KMT2A: variants seen among roughly 807,000 people sequenced by gnomAD.
KMT2A encodes the protein lysine methyltransferase 2A.
A neutral mutation model predicts 345.3 loss-of-function variants in KMT2A; 16 were observed. The ratio of observed to expected loss-of-function variants is 0.05; its 90% CI spans 0.03 to 0.07. The LOEUF (loss-of-function observed/expected upper bound fraction) is 0.07, where lower values mean the gene tolerates loss of function less well. Among genes scored for constraint, KMT2A ranks in the 10% least tolerant of loss-of-function variants. The pLI, the probability that KMT2A is intolerant of heterozygous loss-of-function variation, is 1.00. For missense variants in KMT2A, 3,272 were observed against 4,841.6 expected (o/e 0.68, Z 9.62); for synonymous variants, 1,599 against 1,778.6 (o/e 0.90, Z 2.54).
At chr11:118,450,000 G>A (rs1365474958) in intron 1 of KMT2A, 1 of 152,206 alleles carries the variant, frequency 6.6e-6, no homozygotes, top group East Asian at 1.9e-4. Flanking sequence ...AATAAAGTTG[G>A]TGTTTGTTTA....
At chr11:118,458,666 T>G (rs781801270) in intron 1 of KMT2A, among the ~76,000 whole-genome samples, 18 of 152,222 alleles carry the variant, frequency 1.2e-4, no homozygotes, top group Non-Finnish European at 2.5e-4. Context: ...CTGCTAATAC[T>G]AGTAATTATG....
intron 1 of KMT2A, among the ~76,000 whole-genome samples, chr11:118,461,119 TA>T (rs1555032540): frequency 1.3e-5 from 2 of 152,252 alleles, no homozygotes; most frequent in Non-Finnish European, 2.9e-5. Context: ...TTATGTTTAA[TA>T]CTTATTTAGG....
At position 118,494,911 on chromosome 11, in the gene KMT2A, T is replaced by G; in HGVS notation, c.5363+144T>G. 1 of 649,208 alleles carries G rather than the reference T, an allele frequency of 1.5e-6. No individual in the cohort carries two copies. The highest frequency in any genetic ancestry group is 2.7e-6 in the Non-Finnish European group (1 of 369,054). The allele number at this position is 649,208 out of a possible 1,614,324, so 40.2% of individuals were successfully genotyped here. ...GCCTTTTCGGTGTGGTTTTGAGGACTACATTTAATGTTTGTTATAAGCAAT... is the reference window on the plus strand; with the variant it reads ...GCCTTTTCGGTGTGGTTTTGAGGACGACATTTAATGTTTGTTATAAGCAAT... On this transcript the variant is annotated intron_variant, in intron 18 of 35. Transcript: ENST00000534358. The surrounding 1 kb of genome is among the most constrained non-coding windows in gnomAD (Gnocchi z 5.8).
In KMT2A at chr11:118,522,155, C is replaced by T; in HGVS notation, c.11902C>T (p.Arg3968Trp). The change falls in exon 36 of 36, where the codon CGG becomes TGG. Residue 3968 changes from arginine to tryptophan, a missense_variant. Physicochemically the swap from Arg to Trp is moderately radical, Grantham distance 101 (BLOSUM62 -3). Coordinates refer to ENST00000534358, the MANE Select transcript of KMT2A (RefSeq NM_001197104.2). This position sits in a 1 kb window ranked among gnomAD's most constrained non-coding sequence, Gnocchi z 5.4. ...LPCNCGAKKC[R>W]KFLN ...CTGCAACTGTGGCGCCAAGAAATGC[C>T]GGAAGTTCCTAAACTAAAGCTGCTC... is the stretch of plus-strand genomic sequence containing the variant. The T allele has an allele frequency of 1.9e-6, 3 of 1,614,046 alleles. No homozygotes were observed. The highest frequency in any genetic ancestry group is 2.5e-6 in the Non-Finnish European group (3 of 1,179,920).
At position 118,473,408 on chromosome 11, in the gene KMT2A, C is replaced by T. The variant is rs1463879466; in HGVS notation, c.2249C>T (p.Ser750Phe). Residue 750 changes from serine (S) to phenylalanine (F), a missense_variant, in exon 3 of 36, where the codon TCT (serine) becomes TTT (phenylalanine). By Grantham distance (155) the Ser-to-Phe change is radical (BLOSUM62 -2). This residue lies in a region of KMT2A where 114 missense variants were observed against 203.2 expected (regional missense o/e 0.56). Coordinates refer to ENST00000534358, the MANE Select transcript of KMT2A (RefSeq NM_001197104.2). This position sits in a 1 kb window ranked among gnomAD's most constrained non-coding sequence, Gnocchi z 5.2. ...AGTCCTATTCGATCTGAACCAAGAT[C>T]TCCTTCTCACTCCATGAGGACAAGA... is the stretch of plus-strand genomic sequence containing the variant. Reference protein sequence around the residue: ...VFSPIRSEPRSPSHSMRTRSG... With the variant: ...VFSPIRSEPRFPSHSMRTRSG... 1.2e-6 allele frequency: 2 copies of T among 1,614,202 alleles called. No homozygotes were observed. The highest frequency in any genetic ancestry group is 1.1e-5 in the South Asian group (1 of 91,080).
In KMT2A at chr11:118,501,200, G is replaced by A. The variant is rs1363995685; in HGVS notation, c.6319+53G>A. The A allele has an allele frequency of 5.2e-6, 8 of 1,546,510 alleles. No individual in the cohort carries two copies. In the African/African-American group the frequency reaches 9.5e-5, roughly 18 times the overall value. ...AGGCTGGGCACAGTGGCTCACGCCT[G>A]TAATCGCAGCACTTTGGGAGGCTGA... On this transcript the variant is annotated intron_variant, in intron 25 of 35. Transcript: ENST00000534358.
At chr11:118,516,347 G>A (rs918521076) in intron 31 of KMT2A, among the ~76,000 whole-genome samples, 6 of 152,126 alleles carry the variant, frequency 3.9e-5, no homozygotes, top group East Asian at 1.9e-4. Flanking sequence ...TACATAAAGC[G>A]AAAGTCCTCG....
Position 118,524,073 on chromosome 11 carries a change from C to CAAG in KMT2A, c.*1901_*1902insAAG, listed in dbSNP as rs1951029727. The CAAG allele has an allele frequency of 5.2e-6, 1 of 191,980 alleles. No individual in the cohort carries two copies. 11.9% of individuals were successfully genotyped at this position (191,980 alleles called of 1,614,324 possible). On this transcript the variant is annotated 3_prime_UTR_variant, in exon 36 of 36. Transcript: ENST00000534358. ...TAGCAAACAACAAGTTGAATGGCAA[C>CAAG]TTGACATTTTTGCATCACCATCTGC...
At chr11:118,449,635 G>C (rs1555028223) in intron 1 of KMT2A, 1 of 151,304 alleles carries the variant, frequency 6.6e-6, no homozygotes, top group African/African-American at 2.4e-5. Flanking sequence ...CAACTTGGAG[G>C]CTTCAGTGTT....
At chr11:118,480,330 TA>T in intron 6 of KMT2A, 92 bp downstream of exon 6, 3 of 909,884 alleles carry the variant, frequency 3.3e-6, no homozygotes, top group Non-Finnish European at 5.2e-6. Flanking sequence ...CTTTTTTTTT[TA>T]AAGTACAACT....
rs9332843 is a variant in KMT2A, at chr11:118,506,101, G to T, written c.10209G>T (p.Pro3403=). ...LGIQDQPVAL[P]PSSGMFPQLG... Reference sequence around the variant, plus strand: ...TTCAGGACCAGCCTGTGGCTTTACCGCCAAGTTCAGGAATGTTTCCACAAC... The same window carrying T: ...TTCAGGACCAGCCTGTGGCTTTACCTCCAAGTTCAGGAATGTTTCCACAAC... The change falls in exon 27 of 36, where the codon CCG becomes CCT. Residue 3403 remains proline (P), a synonymous_variant. Transcript: ENST00000534358. 1.2e-6 allele frequency: 2 copies of T among 1,614,092 alleles called. No individual in the cohort carries two copies. Among genetic ancestry groups the T allele is most frequent in the Non-Finnish European group, 8.5e-7 (1 of 1,180,024 alleles).
chr11:118,506,719 T>A, intron 27 of KMT2A, 73 bp downstream of exon 27: 1 of 1,436,150 alleles, frequency 7.0e-7, no homozygotes, highest in Non-Finnish European at 9.4e-7. Flanking sequence ...GTTGATGTGG[T>A]AGTCCGGGAG....
intron 31 of KMT2A, among the ~76,000 whole-genome samples, chr11:118,517,395 C>CAAAAA (rs11436622): frequency 2.6e-5 from 3 of 113,832 alleles, no homozygotes; most frequent in African/African-American, 3.5e-5. Context: ...GACTCTGTCT[C>CAAAAA]AAAAAAAAAA....
rs1383671029 is a variant in KMT2A, at chr11:118,490,657, T to G, written c.4696+408T>G. Among the ~76,000 whole-genome samples, 2 of 152,086 alleles carry G rather than the reference T, an allele frequency of 1.3e-5. No homozygotes were observed. The highest frequency in any genetic ancestry group is 4.8e-5 in the African/African-American group (2 of 41,434). ...TAGGATAATCATATAAAGTTCACTG[T>G]TTTAAGTAAGATAAGCAGATCAGTT... is the stretch of plus-strand genomic sequence containing the variant. On this transcript the variant is annotated intron_variant, in intron 13 of 35. Coordinates refer to ENST00000534358, the MANE Select transcript of KMT2A (RefSeq NM_001197104.2). This position sits in a 1 kb window ranked among gnomAD's most constrained non-coding sequence, Gnocchi z 4.2.
chr11:118,461,400 C>T (rs965350901), intron 1 of KMT2A, among the ~76,000 whole-genome samples: 3 of 152,188 alleles, frequency 2.0e-5, no homozygotes, highest in Non-Finnish European at 4.4e-5. Context: ...CATTACATAG[C>T]TTAATTTGCT....
intron 1 of KMT2A, among the ~76,000 whole-genome samples, chr11:118,462,683 T>G (rs921980820): frequency 6.6e-6 from 1 of 152,160 alleles, no homozygotes; most frequent in East Asian, 1.9e-4. Context: ...CTCAGCCTCC[T>G]GAGTAGCTGG....
rs1951065706 is a variant in KMT2A at position 118,525,639 on chromosome 11, C to A, written c.*3467C>A. ...AAAAAAAGGAAAAAAAAATACAACA[C>A]ACACACAAAAATAAAAAAAATATTC... On this transcript the variant is annotated 3_prime_UTR_variant, in exon 36 of 36. Transcript: ENST00000534358. The A allele has an allele frequency of 4.4e-6, 1 of 227,242 alleles. No homozygotes were observed. The highest frequency in any genetic ancestry group is 8.7e-6 in the Non-Finnish European group (1 of 114,912). The allele number at this position is 227,242 out of a possible 1,614,324, so 14.1% of individuals were successfully genotyped here.
At chr11:118,478,977 T>C (rs1555038473) in intron 5 of KMT2A, among the ~76,000 whole-genome samples, 1 of 152,168 alleles carries the variant, frequency 6.6e-6, no homozygotes, top group Non-Finnish European at 1.5e-5. Flanking sequence ...GGGTACATAG[T>C]AGGTATATAT....
Position 118,520,660 on chromosome 11 carries a change from A to AG in KMT2A, c.11430-136dup, listed in dbSNP as rs1295708449. 4.3e-4 allele frequency: 257 copies of AG among 603,490 alleles called. No individual in the cohort carries two copies. Among genetic ancestry groups the AG allele is most frequent in the East Asian group, 6.2e-4 (22 of 35,422 alleles). The allele number at this position is 603,490 out of a possible 1,614,324, so 37.4% of individuals were successfully genotyped here. On this transcript the variant is annotated intron_variant, in intron 33 of 35. Transcript: ENST00000534358. The surrounding 1 kb of genome is among the most constrained non-coding windows in gnomAD (Gnocchi z 4.3). ...AGCGAAACTCCATCTCAAAAAAAAAAGGGGGGCGCTCATTTTATAAGGCAC... is the reference window on the plus strand; with the variant it reads ...AGCGAAACTCCATCTCAAAAAAAAAAGGGGGGGCGCTCATTTTATAAGGCAC...
Sources: gnomAD v4.1 joint callset for allele counts (sites outside exome capture counted in the v4.1 genomes callset) on GRCh38, gnomAD v4.1.1 for gene constraint, gnomAD v4.1.1 regional missense constraint, Gnocchi (gnomAD v3.1) non-coding constraint, MANE v1.5 for transcripts, NCBI Gene and HGNC (gene_info 2026-07-23, HGNC 2026-07-21) for gene names.